EYA2: variants seen among roughly 807,000 people sequenced by gnomAD.
The protein encoded by EYA2 is protein phosphatase EYA2.
In EYA2, 31 loss-of-function variants were observed where a neutral mutation model predicts 69.2. That is an observed-to-expected ratio of 0.45 (90% CI 0.34 to 0.60). The LOEUF is 0.60. Among genes scored for constraint, EYA2 ranks in the 20% least tolerant of loss-of-function variants. EYA2 has a pLI of 0.02. For missense variants in EYA2, 622 were observed against 701.2 expected, an observed-to-expected ratio of 0.89 and a Z score of 1.28; for synonymous variants, 257 against 279.4, an observed-to-expected ratio of 0.92 and a Z score of 0.80.
intron 9 of EYA2, among the ~76,000 whole-genome samples, chr20:47,112,847 AT>A (rs1267564775): frequency 8.6e-6 from 1 of 116,638 alleles, no homozygotes; most frequent in Non-Finnish European, 1.8e-5. Flanking sequence ...CAAAAGTTAG[AT>A]TTCATGTTCA....
chr20:47,143,062 A>G lies in EYA2; in HGVS notation c.892A>G (p.Thr298Ala). 1 of 1,613,218 alleles carries G rather than the reference A, an allele frequency of 6.2e-7. No homozygotes were observed. The highest frequency in any genetic ancestry group is 1.1e-5 in the South Asian group (1 of 90,878). ...TTTCCCCTTCTCTGCCTCGCAGGAC[A>G]CCACGACGTCCGTGCGCATTGGCCT... ...GTFASRYGKDTTTSVRIGLMM... is the reference protein window; with the variant it reads ...GTFASRYGKDATTSVRIGLMM... Residue 298 changes from threonine to alanine, a missense_variant, in exon 10 of 16, where the codon ACC (threonine) becomes GCC (alanine). By Grantham distance (58) the Thr-to-Ala change is moderately conservative (BLOSUM62 0). Coordinates refer to ENST00000327619, the MANE Select transcript of EYA2 (RefSeq NM_005244.5).
chr20:47,012,336 A>G (rs1439000519), intron 4 of EYA2, among the ~76,000 whole-genome samples: 4 of 152,208 alleles, frequency 2.6e-5, no homozygotes, highest in Non-Finnish European at 4.4e-5. Flanking sequence ...CCCCAGGCCA[A>G]ACCGTGACCA....
chr20:47,100,003 CTTTGGTTTGGTTTGG>C (rs58530559), intron 9 of EYA2, among the ~76,000 whole-genome samples: 2 of 151,538 alleles, frequency 1.3e-5, no homozygotes, highest in African/African-American at 4.9e-5. Flanking sequence ...GGACAGGGAC[CTTTGGTTTGGTTTGG>C]TTTGGTTTGG....
intron 2 of EYA2, among the ~76,000 whole-genome samples, chr20:46,992,083 C>T (rs1345876154): frequency 2.6e-5 from 4 of 151,910 alleles, no homozygotes; most frequent in African/African-American, 9.7e-5. Flanking sequence ...ATCCCCGCCT[C>T]TCCCTTTTGT....
At chr20:46,934,335 T>C (rs1340942768) in intron 1 of EYA2, among the ~76,000 whole-genome samples, 1 of 146,714 alleles carries the variant, frequency 6.8e-6, no homozygotes, top group African/African-American at 2.5e-5. Context: ...TTCCTCTGTG[T>C]CACCTTCCTC....
At chr20:47,126,450 A>G (rs1373370452) in intron 9 of EYA2, among the ~76,000 whole-genome samples, 1 of 152,188 alleles carries the variant, frequency 6.6e-6, no homozygotes, top group Non-Finnish European at 1.5e-5. Flanking sequence ...CCTTCTAGCA[A>G]TAAGGGCAGA....
chr20:47,043,367 A>G (rs1352421773), intron 5 of EYA2, among the ~76,000 whole-genome samples: 1 of 152,142 alleles, frequency 6.6e-6, no homozygotes, highest in African/African-American at 2.4e-5. Context: ...CAGGCTGGGA[A>G]GAGTACACAG....
chr20:47,183,648 C>T (rs755330345), intron 15 of EYA2, among the ~76,000 whole-genome samples: 2 of 152,190 alleles, frequency 1.3e-5, no homozygotes, highest in Non-Finnish European at 2.9e-5. Context: ...GTTCGGGAGC[C>T]TAGAGACGCT....
intron 15 of EYA2, among the ~76,000 whole-genome samples, chr20:47,185,531 A>G (rs2034623202): frequency 6.6e-6 from 1 of 151,844 alleles, no homozygotes; most frequent in African/African-American, 2.4e-5. Flanking sequence ...CGAACTCCTG[A>G]CCTCAGGTGA....
chr20:46,942,299 C>G (rs564640287), intron 1 of EYA2, among the ~76,000 whole-genome samples: 1 of 152,180 alleles, frequency 6.6e-6, no homozygotes, highest in South Asian at 2.1e-4. Context: ...CCTTGACCTC[C>G]TGGGCTTAAG....
At chr20:47,009,257 C>A (rs576064343) in intron 4 of EYA2, among the ~76,000 whole-genome samples, 21 of 152,288 alleles carry the variant, frequency 1.4e-4, no homozygotes, top group Non-Finnish European at 2.6e-4. Flanking sequence ...GATGAAAAGC[C>A]GTTTCCCTTT....
intron 9 of EYA2, among the ~76,000 whole-genome samples, chr20:47,118,855 G>T (rs933082954): frequency 5.3e-5 from 8 of 151,992 alleles, no homozygotes; most frequent in Non-Finnish European, 1.0e-4. Flanking sequence ...GACTTCCTTC[G>T]CCAACTTCCC....
chr20:47,064,295 A>G (rs183011784), intron 5 of EYA2, among the ~76,000 whole-genome samples: 1 of 152,284 alleles, frequency 6.6e-6, no homozygotes, highest in East Asian at 1.9e-4. Flanking sequence ...TCCATGCTGT[A>G]TGTAGCATGT....
chr20:47,092,137 C>T (rs1004324567), intron 8 of EYA2, among the ~76,000 whole-genome samples: 4 of 152,128 alleles, frequency 2.6e-5, no homozygotes, highest in African/African-American at 9.7e-5. Flanking sequence ...CCTAGTTCAC[C>T]TGTAGCAGTT....
At chr20:47,131,771 T>G (rs976025978) in intron 9 of EYA2, among the ~76,000 whole-genome samples, 1 of 152,118 alleles carries the variant, frequency 6.6e-6, no homozygotes, top group African/African-American at 2.4e-5. Flanking sequence ...TGCAGACACC[T>G]CTCATCTCTA....
chr20:47,163,912 G>A (rs985925959), intron 10 of EYA2, among the ~76,000 whole-genome samples: 1 of 152,040 alleles, frequency 6.6e-6, no homozygotes, highest in Non-Finnish European at 1.5e-5. Flanking sequence ...TCGAGACGGG[G>A]ATTGCACCAG....
At chr20:47,111,854 C>CT in intron 9 of EYA2, among the ~76,000 whole-genome samples, 1 of 152,312 alleles carries the variant, frequency 6.6e-6, no homozygotes, top group Non-Finnish European at 1.5e-5. Flanking sequence ...AGCGTGAACT[C>CT]TGACTAGTAG....
At chr20:46,924,676 A>AAAC in intron 1 of EYA2, among the ~76,000 whole-genome samples, 1 of 73,684 alleles carries the variant, frequency 1.4e-5, no homozygotes, top group African/African-American at 3.5e-5. Flanking sequence ...TCTCAAAAAA[A>AAAC]AAAAAAAAAA....
chr20:47,020,646 G>T (rs1983695407), intron 5 of EYA2, among the ~76,000 whole-genome samples: 1 of 152,164 alleles, frequency 6.6e-6, no homozygotes, highest in Admixed American at 6.5e-5. Context: ...GTGCCACAGA[G>T]TTGTTAAGAG....
Sources: allele counts gnomAD v4.1 joint callset (sites outside exome capture counted in the v4.1 genomes callset), GRCh38; gene constraint gnomAD v4.1.1; transcripts MANE v1.5; gene names NCBI Gene and HGNC (gene_info 2026-07-23, HGNC 2026-07-21).